Variants in EYS observed in about 807,000 individuals in gnomAD.
EYS encodes protein eyes shut homolog.
A neutral mutation model predicts 282.1 loss-of-function variants in EYS; 250 were observed. The ratio of observed to expected loss-of-function variants is 0.89; its 90% CI spans 0.80 to 0.98. The LOEUF is 0.98. Among genes scored for constraint, EYS ranks in the 50% least tolerant of loss-of-function variants. The pLI, the probability that EYS is intolerant of heterozygous loss-of-function variation, is 0.00. For synonymous variants in EYS, 1,355 were observed against 1,282.9 expected, an observed-to-expected ratio of 1.06 and a Z score of -1.20; for missense variants, 4,016 against 3,709.0, an observed-to-expected ratio of 1.08 and a Z score of -2.15.
At chr6:64,716,770 T>C (rs1343425673) in intron 22 of EYS, among the ~76,000 whole-genome samples, 1 of 152,190 alleles carries the variant, frequency 6.6e-6, no homozygotes, top group Non-Finnish European at 1.5e-5. Context: ...GTTGATATTT[T>C]TTTTTCTTTT....
At chr6:65,646,033 A>T (rs991883930) in intron 1 of EYS, among the ~76,000 whole-genome samples, 1 of 152,010 alleles carries the variant, frequency 6.6e-6, no homozygotes, top group Non-Finnish European at 1.5e-5. Context: ...AAATGGTAAT[A>T]AAAAAAATTC....
intron 31 of EYS, among the ~76,000 whole-genome samples, chr6:64,196,944 A>G (rs1765309472): frequency 6.7e-6 from 1 of 150,304 alleles, no homozygotes; most frequent in South Asian, 2.1e-4. Flanking sequence ...ATATTATTGT[A>G]TTTTTCGTGG....
chr6:64,178,351 G>T (rs943939727), intron 31 of EYS, among the ~76,000 whole-genome samples: 12 of 152,018 alleles, frequency 7.9e-5, no homozygotes, highest in Non-Finnish European at 2.9e-5. Context: ...CCTTTCCTTG[G>T]TTTAGTTATA....
chr6:63,929,145 G>A (rs546517986), intron 35 of EYS, among the ~76,000 whole-genome samples: 8 of 152,232 alleles, frequency 5.3e-5, no homozygotes, highest in African/African-American at 1.9e-4. Flanking sequence ...GTTATTTAAG[G>A]AATTTTAATG....
intron 26 of EYS, among the ~76,000 whole-genome samples, chr6:64,557,213 C>G (rs953154860): frequency 1.7e-5 from 1 of 58,130 alleles, no homozygotes; most frequent in East Asian, 4.6e-4. Flanking sequence ...TACACACACA[C>G]ACATACACAC....
intron 22 of EYS, among the ~76,000 whole-genome samples, chr6:64,665,624 CAA>C (rs985288304): frequency 9.2e-5 from 14 of 152,142 alleles, no homozygotes; most frequent in African/African-American, 3.4e-4. Context: ...ACATTTAAAA[CAA>C]ATTTAGAAAT....
At position 64,138,811 on chromosome 6, in the gene EYS, T is replaced by A. The variant is rs540147892; in HGVS notation, c.6425-56809A>T. Among the ~76,000 whole-genome samples the A allele has an allele frequency of 2.6e-5, 4 of 152,320 alleles. No homozygotes were observed. The East Asian group carries it at 7.7e-4, about 29-fold the overall frequency. On this transcript the variant is annotated intron_variant, in intron 31 of 42. Transcript: ENST00000503581. The stretch of plus-strand genomic sequence containing the variant: ...GTTGACTGCTTCAAGTTATAAACTA[T>A]TTGAGTTATTATGATGTGTTAATGT...
chr6:64,843,424 C>T (rs954492730), intron 19 of EYS, among the ~76,000 whole-genome samples: 2 of 152,172 alleles, frequency 1.3e-5, no homozygotes, highest in African/African-American at 4.8e-5. Context: ...TGAAAAGCCA[C>T]AGGGGCAGAA....
chr6:64,450,818 A>T (rs2150476932), intron 26 of EYS, among the ~76,000 whole-genome samples: 1 of 152,360 alleles, frequency 6.6e-6, no homozygotes, highest in Admixed American at 6.5e-5. Context: ...ACGAGAACAA[A>T]GACACAACAT....
chr6:63,762,892 A>G (rs1278025667), intron 40 of EYS, among the ~76,000 whole-genome samples: 2 of 152,082 alleles, frequency 1.3e-5, no homozygotes, highest in Non-Finnish European at 2.9e-5. Flanking sequence ...TTCAGACAAA[A>G]TTGCATTGTA....
At chr6:64,786,800 G>C (rs1053349831) in intron 22 of EYS, among the ~76,000 whole-genome samples, 3 of 152,182 alleles carry the variant, frequency 2.0e-5, no homozygotes, top group Non-Finnish European at 4.4e-5. Flanking sequence ...TGGCATAGCA[G>C]ACTGTGCCTT....
chr6:63,835,059 G>A (rs1329357051), intron 36 of EYS, among the ~76,000 whole-genome samples: 2 of 91,736 alleles, frequency 2.2e-5, no homozygotes, highest in Admixed American at 1.7e-4. Flanking sequence ...TTGTAGGGTG[G>A]GGGGAGGGGG....
chr6:64,675,079 C>A (rs1769603691), intron 22 of EYS, among the ~76,000 whole-genome samples: 1 of 152,116 alleles, frequency 6.6e-6, no homozygotes. Flanking sequence ...CCCCCAAATT[C>A]TAATACAAGT....
chr6:64,308,606 CTA>C (rs1769547787), intron 29 of EYS, among the ~76,000 whole-genome samples: 1 of 151,930 alleles, frequency 6.6e-6, no homozygotes, highest in Admixed American at 6.6e-5. Flanking sequence ...AAATTATACA[CTA>C]TTTGCATCTC....
intron 41 of EYS, chr6:63,745,009 T>C (rs181358506): frequency 1.1e-4 from 46 of 428,406 alleles, no homozygotes; most frequent in Non-Finnish European, 1.9e-4. Context: ...TCTTTTCCAA[T>C]AAATTGATGA....
At chr6:64,651,589 G>C (rs10944661) in intron 22 of EYS, among the ~76,000 whole-genome samples, 1 of 152,236 alleles carries the variant, frequency 6.6e-6, no homozygotes. Flanking sequence ...AGGCTGAGAC[G>C]GGAGAATCGC....
At chr6:64,858,410 A>G (rs556266987) in intron 19 of EYS, among the ~76,000 whole-genome samples, 1 of 152,112 alleles carries the variant, frequency 6.6e-6, no homozygotes, top group African/African-American at 2.4e-5. Context: ...AAGCATAAAT[A>G]TGTGGGCTTT....
At chr6:64,368,070 A>G (rs1772238705) in intron 29 of EYS, among the ~76,000 whole-genome samples, 1 of 152,008 alleles carries the variant, frequency 6.6e-6, no homozygotes, top group Non-Finnish European at 1.5e-5. Flanking sequence ...TCCAATAGGT[A>G]GTTTTTCGAT....
intron 33 of EYS, among the ~76,000 whole-genome samples, chr6:64,049,854 T>G (rs566372255): frequency 7.2e-5 from 11 of 152,054 alleles, no homozygotes; most frequent in Non-Finnish European, 1.3e-4. Context: ...AAAATAGTCA[T>G]AAAAACGGGG....
Sources: gnomAD v4.1 joint callset for allele counts (sites outside exome capture counted in the v4.1 genomes callset) on GRCh38, gnomAD v4.1.1 for gene constraint, MANE v1.5 for transcripts, NCBI Gene and HGNC (gene_info 2026-07-23, HGNC 2026-07-21) for gene names.